Variants in SV2B observed in about 807,000 individuals in gnomAD.
SV2B encodes solute carrier family 22 member B2.
Under a neutral mutation model 73.9 loss-of-function variants are expected in SV2B, and 41 were observed. The ratio of observed to expected loss-of-function variants is 0.56; its 90% confidence interval spans 0.43 to 0.72. The LOEUF (loss-of-function observed/expected upper bound fraction) is 0.72, where lower values mean the gene tolerates loss of function less well. SV2B is among the 30% of genes least tolerant of loss of function. The pLI, the probability that SV2B is intolerant of heterozygous loss-of-function variation, is 0.00. For synonymous variants in SV2B, 314 were observed against 314.2 expected (o/e 1.00, Z 0.01); for missense variants, 764 against 857.8 (o/e 0.89, Z 1.37).
chr15:91,167,842 TC>T lies in SV2B; in HGVS notation c.-391-58029del, dbSNP rs142988846. 1.1e-3 allele frequency among the ~76,000 whole-genome samples: 166 copies of T among 152,370 alleles called. 1 individual carries two copies. The highest frequency in any genetic ancestry group is 3.7e-3 in the African/African-American group (152 of 41,584). The stretch of plus-strand genomic sequence containing the variant: ...TACAAGAATCTAAGTTCTGTTAAAA[TC>T]CTATGAAGAATGTTCATTTCTTTTT... On this transcript the variant is annotated intron_variant, in intron 1 of 12. Coordinates refer to ENST00000394232, the MANE Select transcript of SV2B (RefSeq NM_001323032.3).
At chr15:91,194,934 C>G (rs1184876554) in intron 1 of SV2B, among the ~76,000 whole-genome samples, 1 of 152,062 alleles carries the variant, frequency 6.6e-6, no homozygotes, top group Non-Finnish European at 1.5e-5. Flanking sequence ...TTGTCACGTC[C>G]TCATTTCCTC....
chr15:91,155,521 T>C (rs999202822), intron 1 of SV2B, among the ~76,000 whole-genome samples: 5 of 152,230 alleles, frequency 3.3e-5, no homozygotes, highest in Non-Finnish European at 7.3e-5. Context: ...TGGCCTCTTC[T>C]GGACCCCAAG....
rs113843617 is a variant in SV2B at position 91,134,866 on chromosome 15, C to T, written c.-392+34503C>T. Reference sequence around the variant, plus strand: ...TTCCAGCAGGTGGGATTGAGTCCCACCTATTTTCTCAGCCTACCTCTTTAC... The same window carrying T: ...TTCCAGCAGGTGGGATTGAGTCCCATCTATTTTCTCAGCCTACCTCTTTAC... On this transcript the variant is annotated intron_variant, in intron 1 of 12. Transcript: ENST00000394232. 1.4e-4 allele frequency among the ~76,000 whole-genome samples: 21 copies of T among 152,304 alleles called. 2 individuals carry two copies. The highest frequency in any genetic ancestry group is 5.1e-4 in the African/African-American group (21 of 41,568).
At chr15:91,187,972 A>G (rs1263563153) in intron 1 of SV2B, among the ~76,000 whole-genome samples, 2 of 152,284 alleles carry the variant, frequency 1.3e-5, no homozygotes, top group South Asian at 2.1e-4. Flanking sequence ...TAATGAAACT[A>G]TCTTGTACTC....
At chr15:91,112,136 T>G (rs1179757667) in intron 1 of SV2B, among the ~76,000 whole-genome samples, 17 of 101,102 alleles carry the variant, frequency 1.7e-4, no homozygotes, top group South Asian at 1.4e-3. Context: ...GGGGTGAGGG[T>G]TGGGTCGGGT....
chr15:91,198,204 C>T (rs572910863), intron 1 of SV2B, among the ~76,000 whole-genome samples: 10 of 151,952 alleles, frequency 6.6e-5, no homozygotes, highest in South Asian at 2.1e-4. Flanking sequence ...AGCAAAAGGC[C>T]GAGGAAGCCA....
chr15:91,191,637 G>T (rs138359217), intron 1 of SV2B, among the ~76,000 whole-genome samples: 80 of 152,140 alleles, frequency 5.3e-4, no homozygotes, highest in African/African-American at 1.8e-3. Flanking sequence ...CCCCTACTGC[G>T]GTAGCTCAAA....
rs2046314905 is a variant in SV2B, at chr15:91,224,563, C to T, written c.-391-1310C>T. ...GGGAATCTGTATTTTTAAAGCTCCC[C>T]AGGTGATTTAATGTGACAGTCCCTC... On this transcript the variant is annotated intron_variant, in intron 1 of 12. Coordinates refer to ENST00000394232, the MANE Select transcript of SV2B (RefSeq NM_001323032.3). This position sits in a 1 kb window ranked among gnomAD's most constrained non-coding sequence, Gnocchi z 4.9. Among the ~76,000 whole-genome samples, 1 of 152,120 alleles carries T rather than the reference C, an allele frequency of 6.6e-6. No homozygotes were observed. Among genetic ancestry groups the T allele is most frequent in the Non-Finnish European group, 1.5e-5 (1 of 68,018 alleles).
At chr15:91,228,061 TC>T (rs2046441936) in intron 2 of SV2B, among the ~76,000 whole-genome samples, 1 of 152,134 alleles carries the variant, frequency 6.6e-6, no homozygotes, top group African/African-American at 2.4e-5. Flanking sequence ...CAGTTTGCAA[TC>T]CCCTGATTTA....
chr15:91,165,085 C>T (rs182768990), intron 1 of SV2B, among the ~76,000 whole-genome samples: 1 of 152,172 alleles, frequency 6.6e-6, no homozygotes, highest in Admixed American at 6.5e-5. Flanking sequence ...GCCTGTAATC[C>T]CAACACTTTG....
chr15:91,269,755 G>T (rs1430384999), intron 9 of SV2B, among the ~76,000 whole-genome samples: 5 of 152,200 alleles, frequency 3.3e-5, no homozygotes, highest in Non-Finnish European at 7.3e-5. Flanking sequence ...ATAAAAAGGA[G>T]AATATTATTT....
In SV2B at chr15:91,288,657, C is replaced by T. The variant is rs2048941789; in HGVS notation, c.1709-864C>T. Among the ~76,000 whole-genome samples, 1 of 150,886 alleles carries T rather than the reference C, an allele frequency of 6.6e-6. No individual in the cohort carries two copies. The highest frequency in any genetic ancestry group is 1.5e-5 in the Non-Finnish European group (1 of 67,642). ...CTCTTCTTTCTTTCTCTCTCTCTCT[C>T]TCCTTCCTTCCTTCCTTCTTTTTCT... On this transcript the variant is annotated intron_variant, in intron 11 of 12. Coordinates refer to ENST00000394232, the MANE Select transcript of SV2B (RefSeq NM_001323032.3). The surrounding 1 kb of genome is among the most constrained non-coding windows in gnomAD (Gnocchi z 5.8).
At chr15:91,101,684 C>T (rs559997518) in intron 1 of SV2B, 3 of 152,194 alleles carry the variant, frequency 2.0e-5, no homozygotes, top group South Asian at 4.2e-4. Flanking sequence ...GGGACTGGGT[C>T]GCTCTCTTGG....
chr15:91,289,151 T>G lies in SV2B; in HGVS notation c.1709-370T>G, dbSNP rs1165744820. On this transcript the variant is annotated intron_variant, in intron 11 of 12. Coordinates refer to ENST00000394232, the MANE Select transcript of SV2B (RefSeq NM_001323032.3). The surrounding 1 kb of genome is among the most constrained non-coding windows in gnomAD (Gnocchi z 4.9). ...CAAATCAAGACTGAGGTTTTTGTTT[T>G]TGTTTTTTGGCCAATACTGATGTAG... 1.3e-5 allele frequency among the ~76,000 whole-genome samples: 2 copies of G among 152,210 alleles called. No individual in the cohort carries two copies. The highest frequency in any genetic ancestry group is 1.5e-5 in the Non-Finnish European group (1 of 68,034).
intron 1 of SV2B, among the ~76,000 whole-genome samples, chr15:91,112,621 T>A (rs572700660): frequency 6.6e-6 from 1 of 152,336 alleles, no homozygotes; most frequent in African/African-American, 2.4e-5. Flanking sequence ...TTTGCCTGTA[T>A]TTCTTGGGTA....
intron 1 of SV2B, among the ~76,000 whole-genome samples, chr15:91,217,856 C>A (rs144262633): frequency 6.6e-6 from 1 of 152,212 alleles, no homozygotes; most frequent in Non-Finnish European, 1.5e-5. Flanking sequence ...TCCCTCAATG[C>A]CTTTATGGCA....
chr15:91,254,447 G>A (rs1022329609), intron 4 of SV2B, among the ~76,000 whole-genome samples: 9 of 152,044 alleles, frequency 5.9e-5, no homozygotes, highest in African/African-American at 2.2e-4. Flanking sequence ...ATGTTGGCCA[G>A]GCTGGTCTCC....
chr15:91,252,559 C>G lies in SV2B; in HGVS notation c.784+39C>G. 1 of 1,543,592 alleles carries G rather than the reference C, an allele frequency of 6.5e-7. No homozygotes were observed. The highest frequency in any genetic ancestry group is 2.3e-5 in the East Asian group (1 of 43,678). On this transcript the variant is annotated intron_variant, in intron 4 of 12. Transcript: ENST00000394232. This position sits in a 1 kb window ranked among gnomAD's most constrained non-coding sequence, Gnocchi z 4.6. ...CCAAACAGCCTAGGGGGCCCTGTTT[C>G]TATGGCTCCTGCACCCAAACAATAG...
chr15:91,125,781 C>CAAAAAAAAAAAAAAAAAAAA (rs200016125), intron 1 of SV2B, among the ~76,000 whole-genome samples: 752 of 56,784 alleles, frequency 0.013, 92 homozygotes, highest in Non-Finnish European at 0.02. Context: ...TCTCAAGGGG[C>CAAAAAAAAAAAAAAAAAAAA]AAAAAAAAAA....
Sources: gnomAD v4.1 joint callset for allele counts (sites outside exome capture counted in the v4.1 genomes callset) on GRCh38, gnomAD v4.1.1 for gene constraint, Gnocchi (gnomAD v3.1) non-coding constraint, MANE v1.5 for transcripts, NCBI Gene and HGNC (gene_info 2026-07-23, HGNC 2026-07-21) for gene names.